Variants in PACS1 observed in about 807,000 individuals in gnomAD.
PACS1 encodes the protein PACS-1.
PACS1 carries 24 observed loss-of-function variants against 115.0 expected under a neutral mutation model. That is an observed-to-expected ratio of 0.21 (90% CI 0.15 to 0.29). The LOEUF is 0.29. Ranked by LOEUF, PACS1 falls within the 10% of genes least tolerant of loss-of-function variation. The pLI, the probability that PACS1 is intolerant of heterozygous loss-of-function variation, is 1.00. For missense variants in PACS1, 838 were observed against 1,251.2 expected, an observed-to-expected ratio of 0.67 and a Z score of 4.98; for synonymous variants, 453 against 504.5, an observed-to-expected ratio of 0.90 and a Z score of 1.37.
At chr11:66,092,847 ATT>A (rs1857692557) in intron 1 of PACS1, among the ~76,000 whole-genome samples, 1 of 152,014 alleles carries the variant, frequency 6.6e-6, no homozygotes, top group African/African-American at 2.4e-5. Context: ...ATGCGGCGTT[ATT>A]TCTGAGGGCT....
intron 1 of PACS1, among the ~76,000 whole-genome samples, chr11:66,072,057 G>T (rs1857317167): frequency 6.6e-6 from 1 of 151,900 alleles, no homozygotes; most frequent in African/African-American, 2.4e-5. Context: ...CATTTCCCTT[G>T]TTAGAAAAAA....
At chr11:66,184,228 G>C (rs969918386) in intron 1 of PACS1, among the ~76,000 whole-genome samples, 1 of 147,964 alleles carries the variant, frequency 6.8e-6, no homozygotes, top group Non-Finnish European at 1.5e-5. Flanking sequence ...CAGGAGAATC[G>C]CTTGAGCCTG....
chr11:66,210,557 C>T (rs898248016), intron 3 of PACS1, 106 bp downstream of exon 3: 2 of 867,714 alleles, frequency 2.3e-6, no homozygotes, highest in African/African-American at 3.3e-5. Context: ...CATTCCCCAA[C>T]TTGGGCAGGA....
chr11:66,133,110 A>G (rs956681649), intron 1 of PACS1, among the ~76,000 whole-genome samples: 6 of 152,174 alleles, frequency 3.9e-5, no homozygotes, highest in African/African-American at 1.2e-4. Context: ...TGTGTGTGCA[A>G]TCTATCAGCA....
At chr11:66,154,157 C>T (rs1311232929) in intron 1 of PACS1, among the ~76,000 whole-genome samples, 1 of 152,164 alleles carries the variant, frequency 6.6e-6, no homozygotes, top group Non-Finnish European at 1.5e-5. Context: ...AAATACTGAA[C>T]CAGGTGCAGT....
At chr11:66,191,003 C>T (rs993539980) in intron 1 of PACS1, among the ~76,000 whole-genome samples, 4 of 152,158 alleles carry the variant, frequency 2.6e-5, no homozygotes, top group African/African-American at 9.7e-5. Flanking sequence ...CCACAAACTT[C>T]GTGACTTCAC....
chr11:66,242,097 A>G (rs1431584072), intron 22 of PACS1, among the ~76,000 whole-genome samples: 1 of 152,210 alleles, frequency 6.6e-6, no homozygotes, highest in Non-Finnish European at 1.5e-5. Context: ...TTTCAGGATT[A>G]AGGGGCATAC....
Position 66,086,601 on chromosome 11 carries a change from A to G in PACS1, c.356+15759A>G, listed in dbSNP as rs967075169. Among the ~76,000 whole-genome samples the G allele has an allele frequency of 2.6e-5, 4 of 152,250 alleles. 1 individual carries two copies. The South Asian group carries it at 8.3e-4, about 32-fold the overall frequency. ...TACTTCCAGGGCCCTAATTAGAAAAACAAAAGCAAAAACACCTTTTTTCTT... is the reference window on the plus strand; with the variant it reads ...TACTTCCAGGGCCCTAATTAGAAAAGCAAAAGCAAAAACACCTTTTTTCTT... On this transcript the variant is annotated intron_variant, in intron 1 of 23. Transcript: ENST00000320580.
At chr11:66,091,615 C>T (rs1161601040) in intron 1 of PACS1, among the ~76,000 whole-genome samples, 2 of 151,152 alleles carry the variant, frequency 1.3e-5, no homozygotes, top group South Asian at 2.1e-4. Flanking sequence ...TGGTGTGCTG[C>T]ACCCATTAAC....
chr11:66,219,541 G>A (rs1855292267), intron 7 of PACS1: 4 of 687,828 alleles, frequency 5.8e-6, no homozygotes, highest in Middle Eastern at 2.8e-4. Flanking sequence ...CCTTCTCCCC[G>A]CAGCTGCACC....
At chr11:66,209,921 A>T (rs1565148075) in intron 2 of PACS1, among the ~76,000 whole-genome samples, 1 of 148,036 alleles carries the variant, frequency 6.8e-6, no homozygotes. Flanking sequence ...ATAAAATTTA[A>T]TTTTTTTTTT....
intron 1 of PACS1, among the ~76,000 whole-genome samples, chr11:66,173,387 A>G (rs1391726741): frequency 2.6e-5 from 4 of 152,276 alleles, no homozygotes; most frequent in Middle Eastern, 3.4e-3. Flanking sequence ...TTGTCAAATA[A>G]AAGACTTGTA....
At chr11:66,159,862 T>C (rs770805726) in intron 1 of PACS1, among the ~76,000 whole-genome samples, 6 of 152,224 alleles carry the variant, frequency 3.9e-5, no homozygotes, top group Non-Finnish European at 7.3e-5. Context: ...GGAGAAAATA[T>C]TCTGCATTCG....
intron 1 of PACS1, among the ~76,000 whole-genome samples, chr11:66,159,462 CAA>C (rs894227050): frequency 3.9e-5 from 6 of 151,920 alleles, no homozygotes; most frequent in African/African-American, 1.5e-4. Flanking sequence ...AATATTGAGT[CAA>C]AGAGTATGTG....
At chr11:66,079,684 A>G (rs954670358) in intron 1 of PACS1, among the ~76,000 whole-genome samples, 3 of 152,134 alleles carry the variant, frequency 2.0e-5, no homozygotes, top group Non-Finnish European at 4.4e-5. Flanking sequence ...AGACCAGCTG[A>G]TATGTGCCGC....
At chr11:66,172,570 C>G (rs1565133371) in intron 1 of PACS1, among the ~76,000 whole-genome samples, 1 of 152,144 alleles carries the variant, frequency 6.6e-6, no homozygotes, top group Non-Finnish European at 1.5e-5. Context: ...ATCCTGCAGC[C>G]CCCTCAAGTG....
Position 66,233,686 on chromosome 11 carries a change from C to T in PACS1, c.1839-99C>T, listed in dbSNP as rs1291672907. ...TTTTGTGGATTGGTTTGCTTTTCCC[C>T]TGTGGGTTGTTGAGATCACAGAAAG... On this transcript the variant is annotated intron_variant, in intron 15 of 23. Coordinates refer to ENST00000320580, the MANE Select transcript of PACS1 (RefSeq NM_018026.4). The surrounding 1 kb of genome is among the most constrained non-coding windows in gnomAD (Gnocchi z 4.5). 1.7e-6 allele frequency: 2 copies of T among 1,186,304 alleles called. No homozygotes were observed. The highest frequency in any genetic ancestry group is 3.1e-5 in the African/African-American group (2 of 65,324). 73.5% of individuals were successfully genotyped at this position (1,186,304 alleles called of 1,614,324 possible). A position where few individuals can be genotyped will look rare whatever the true frequency, so the allele number is the denominator to read the frequency against.
At chr11:66,120,562 T>C (rs1158610243) in intron 1 of PACS1, among the ~76,000 whole-genome samples, 1 of 152,186 alleles carries the variant, frequency 6.6e-6, no homozygotes, top group Non-Finnish European at 1.5e-5. Flanking sequence ...TATCAATGCA[T>C]AGGAAGCTAG....
intron 2 of PACS1, among the ~76,000 whole-genome samples, chr11:66,198,210 G>A (rs1234440167): frequency 6.6e-6 from 1 of 152,220 alleles, no homozygotes; most frequent in Non-Finnish European, 1.5e-5. Context: ...ACCATGCCCG[G>A]TTCTCAAAAG....
Sources: gnomAD v4.1 joint callset for allele counts (sites outside exome capture counted in the v4.1 genomes callset) on GRCh38, gnomAD v4.1.1 for gene constraint, Gnocchi (gnomAD v3.1) non-coding constraint, MANE v1.5 for transcripts, NCBI Gene and HGNC (gene_info 2026-07-23, HGNC 2026-07-21) for gene names.